SLC10A1: variants seen among roughly 807,000 people sequenced by gnomAD.
The protein encoded by SLC10A1 is solute carrier family 10 member 1, also known as hepatic sodium/bile acid cotransporter.
A neutral mutation model predicts 20.5 loss-of-function variants in SLC10A1; 36 were observed. That is an observed-to-expected ratio of 1.75 (90% confidence interval 1.34 to 2.32). The LOEUF is 2.32. SLC10A1 is among the 30% of genes most tolerant of loss of function. SLC10A1 has a pLI of 0.00. For missense variants in SLC10A1, 545 were observed against 439.1 expected, an observed-to-expected ratio of 1.24 and a Z score of -2.16; for synonymous variants, 188 against 163.6, an observed-to-expected ratio of 1.15 and a Z score of -1.14.
intron 1 of SLC10A1, among the ~76,000 whole-genome samples, chr14:69,788,327 A>T (rs1408810832): frequency 6.6e-6 from 1 of 152,140 alleles, no homozygotes; most frequent in Non-Finnish European, 1.5e-5. Flanking sequence ...ATACATATTT[A>T]AAAAACATGG....
Position 69,776,133 on chromosome 14 carries a change from C to A in SLC10A1, c.*149G>T. 2 of 627,978 alleles carry A rather than the reference C, an allele frequency of 3.2e-6. No homozygotes were observed. Among genetic ancestry groups the A allele is most frequent in the Non-Finnish European group, 5.6e-6 (2 of 355,322 alleles). The allele number at this position is 627,978 out of a possible 1,614,324, so 38.9% of individuals were successfully genotyped here. On this transcript the variant is annotated 3_prime_UTR_variant, in exon 5 of 5. Coordinates refer to ENST00000216540, the MANE Select transcript of SLC10A1 (RefSeq NM_003049.4). ...CTTGGGTAGACACCCTGTCTGTGTTCCCGGCCAAGACTTGATGATTCTGAT... is the reference window on the plus strand; with the variant it reads ...CTTGGGTAGACACCCTGTCTGTGTTACCGGCCAAGACTTGATGATTCTGAT...
chr14:69,796,553 G>A (rs149724438), intron 1 of SLC10A1, among the ~76,000 whole-genome samples: 1 of 152,288 alleles, frequency 6.6e-6, no homozygotes, highest in African/African-American at 2.4e-5. Flanking sequence ...TGGAAGCAAG[G>A]AGATCACCAC....
chr14:69,775,708 T>G lies in SLC10A1; in HGVS notation c.*574A>C, dbSNP rs1472348894. 1.3e-5 allele frequency: 2 copies of G among 152,254 alleles called. No individual in the cohort carries two copies. Among genetic ancestry groups the G allele is most frequent in the Non-Finnish European group, 2.9e-5 (2 of 68,086 alleles). 9.4% of individuals were successfully genotyped at this position (152,254 alleles called of 1,614,324 possible). A position where few individuals can be genotyped will look rare whatever the true frequency, so the allele number is the denominator to read the frequency against. ...CCAGTTTTTTCATTTCATTAGCTAT[T>G]TTTTGAGTTTGTTTTGCCTGATTGC... On this transcript the variant is annotated 3_prime_UTR_variant, in exon 5 of 5. Coordinates refer to ENST00000216540, the MANE Select transcript of SLC10A1 (RefSeq NM_003049.4).
At chr14:69,784,360 G>A (rs1317421238) in intron 2 of SLC10A1, among the ~76,000 whole-genome samples, 2 of 152,220 alleles carry the variant, frequency 1.3e-5, no homozygotes, top group African/African-American at 4.8e-5. Flanking sequence ...GGCAAAGAAA[G>A]TGGAGCAGGT....
intron 2 of SLC10A1, among the ~76,000 whole-genome samples, chr14:69,782,434 G>A (rs769709883): frequency 1.3e-5 from 2 of 152,082 alleles, no homozygotes; most frequent in African/African-American, 2.4e-5. Context: ...TAACTTTTCC[G>A]GGCCTCGGTT....
At chr14:69,782,122 GC>G (rs1883606072) in intron 2 of SLC10A1, among the ~76,000 whole-genome samples, 1 of 152,214 alleles carries the variant, frequency 6.6e-6, no homozygotes, top group African/African-American at 2.4e-5. Context: ...GTTAGTCTCT[GC>G]ATCCTCACAG....
chr14:69,796,144 G>C (rs1882382471), intron 1 of SLC10A1, among the ~76,000 whole-genome samples: 1 of 152,202 alleles, frequency 6.6e-6, no homozygotes, highest in South Asian at 2.1e-4. Context: ...CAGGGGGTTA[G>C]GGGGTGCTGC....
chr14:69,790,727 C>G (rs1303546481), intron 1 of SLC10A1, among the ~76,000 whole-genome samples: 1 of 151,796 alleles, frequency 6.6e-6, no homozygotes, highest in Non-Finnish European at 1.5e-5. Context: ...AGGAATAAAG[C>G]AAAGATAGTC....
intron 1 of SLC10A1, among the ~76,000 whole-genome samples, chr14:69,791,181 C>G (rs548847089): frequency 9.2e-5 from 14 of 152,052 alleles, no homozygotes; most frequent in Non-Finnish European, 1.8e-4. Context: ...GATAGTCTCT[C>G]AATTTATATA....
chr14:69,782,764 C>T (rs1026355760), intron 2 of SLC10A1, among the ~76,000 whole-genome samples: 7 of 150,114 alleles, frequency 4.7e-5, no homozygotes, highest in Non-Finnish European at 8.8e-5. Flanking sequence ...GCCGAGCTCG[C>T]GCCACTGCAC....
chr14:69,776,120 C>A lies in SLC10A1; in HGVS notation c.*162G>T, dbSNP rs199565272. 5.0e-6 allele frequency: 3 copies of A among 605,226 alleles called. No individual in the cohort carries two copies. The highest frequency in any genetic ancestry group is 8.8e-6 in the Non-Finnish European group (3 of 340,598). The allele number at this position is 605,226 out of a possible 1,614,324, so 37.5% of individuals were successfully genotyped here. ...ATAGGTGAGGCTTCTTGGGTAGACACCCTGTCTGTGTTCCCGGCCAAGACT... is the reference window on the plus strand; with the variant it reads ...ATAGGTGAGGCTTCTTGGGTAGACAACCTGTCTGTGTTCCCGGCCAAGACT... On this transcript the variant is annotated 3_prime_UTR_variant, in exon 5 of 5. Coordinates refer to ENST00000216540, the MANE Select transcript of SLC10A1 (RefSeq NM_003049.4).
Position 69,779,269 on chromosome 14 carries a change from G to T in SLC10A1, c.659C>A (p.Pro220Gln). The T allele has an allele frequency of 6.2e-7, 1 of 1,613,916 alleles. No individual in the cohort carries two copies. ...CAGGGAGGAGGTGGCAATCAAGAGT[G>T]GTGTCATGGCAAACATGATGCTCTT... ...VGKSIMFAMT[P>Q]LLIATSSLMP... The change falls in exon 3 of 5, where the codon CCA becomes CAA. Residue 220 changes from proline to glutamine, a missense_variant. Coordinates refer to ENST00000216540, the MANE Select transcript of SLC10A1 (RefSeq NM_003049.4).
At chr14:69,783,108 A>G (rs970284870) in intron 2 of SLC10A1, among the ~76,000 whole-genome samples, 1 of 152,206 alleles carries the variant, frequency 6.6e-6, no homozygotes, top group Non-Finnish European at 1.5e-5. Context: ...CCCACAAACT[A>G]TCTTAAAAAA....
intron 1 of SLC10A1, among the ~76,000 whole-genome samples, chr14:69,790,945 ATCAG>A (rs1425285116): frequency 3.9e-5 from 6 of 152,146 alleles, no homozygotes; most frequent in African/African-American, 1.4e-4. Flanking sequence ...ATACATTAGC[ATCAG>A]TCAGTCAATC....
intron 2 of SLC10A1, among the ~76,000 whole-genome samples, chr14:69,783,903 C>T (rs60401303): frequency 0.049 from 7,387 of 152,224 alleles, 591 homozygotes; most frequent in African/African-American, 0.17. Context: ...GTTGGGGCAA[C>T]TGGGCACACA....
At position 69,786,330 on chromosome 14, in the gene SLC10A1, G is replaced by A. The variant is rs770941562; in HGVS notation, c.357-23C>T. On this transcript the variant is annotated intron_variant, in intron 1 of 4. Coordinates refer to ENST00000216540, the MANE Select transcript of SLC10A1 (RefSeq NM_003049.4). ...ATGCTGGTGGGAGACATGGGAAGAG[G>A]GGAGAGAGAGAGAGCCCATAAATAC... The A allele has an allele frequency of 3.1e-6, 5 of 1,598,780 alleles. No individual in the cohort carries two copies. In the Admixed American group the frequency reaches 6.7e-5, roughly 21 times the overall value.
intron 1 of SLC10A1, among the ~76,000 whole-genome samples, chr14:69,796,462 A>G (rs937208263): frequency 9.9e-5 from 15 of 152,176 alleles, no homozygotes; most frequent in Admixed American, 9.8e-4. Flanking sequence ...CAACTTGTCC[A>G]CTGTTGTAGG....
Position 69,776,298 on chromosome 14 carries a change from G to T in SLC10A1, c.1034C>A (p.Ser345Tyr), listed in dbSNP as rs200363313. 2 of 1,613,132 alleles carry T rather than the reference G, an allele frequency of 1.2e-6. No individual in the cohort carries two copies. Among genetic ancestry groups the T allele is most frequent in the South Asian group, 1.1e-5 (1 of 91,038 alleles). Residue 345 changes from serine (S) to tyrosine (Y), a missense_variant, in exon 5 of 5, where the codon TCC (serine) becomes TAC (tyrosine). Transcript: ENST00000216540. ...GNGTYKGEDC[S>Y]PCTA is the part of the protein sequence containing the mutation. ...GGGGAAGGGCTAGGCTGTGCAAGGG[G>T]AGCAGTCCTCCCCTTTGTAGGTGCC...
intron 1 of SLC10A1, among the ~76,000 whole-genome samples, chr14:69,790,860 A>G (rs191399829): frequency 3.9e-5 from 6 of 152,122 alleles, no homozygotes; most frequent in Non-Finnish European, 7.4e-5. Flanking sequence ...TTTGCCAATG[A>G]TAGGATTGTC....
Sources: allele counts gnomAD v4.1 joint callset (sites outside exome capture counted in the v4.1 genomes callset), GRCh38; gene constraint gnomAD v4.1.1; transcripts MANE v1.5; gene names NCBI Gene and HGNC (gene_info 2026-07-23, HGNC 2026-07-21).